Variants in BRCA2 observed in about 807,000 individuals in gnomAD.
The protein encoded by BRCA2 is breast cancer type 2 susceptibility protein.
BRCA2 carries 203 observed loss-of-function variants against 276.7 expected under a neutral mutation model. The ratio of observed to expected loss-of-function variants is 0.73; its 90% confidence interval spans 0.65 to 0.82. The LOEUF (loss-of-function observed/expected upper bound fraction) is 0.82, where lower values mean the gene tolerates loss of function less well. BRCA2 is among the 40% of genes least tolerant of loss of function. The probability of loss-of-function intolerance (pLI) is 0.00; values close to 1 mark genes in which losing one functional copy is unlikely to be tolerated. For synonymous variants in BRCA2, 1,289 were observed against 1,338.4 expected, an observed-to-expected ratio of 0.96 and a Z score of 0.81; for missense variants, 3,920 against 3,915.0, an observed-to-expected ratio of 1.00 and a Z score of -0.03.
chr13:32,327,997 C>T (rs564139328), intron 7 of BRCA2, among the ~76,000 whole-genome samples: 1 of 152,082 alleles, frequency 6.6e-6, no homozygotes, highest in South Asian at 2.1e-4. Flanking sequence ...GTTGCCCACA[C>T]TTGTCTCAAA....
chr13:32,320,823 G>A (rs1259863305), intron 3 of BRCA2, among the ~76,000 whole-genome samples: 1 of 152,200 alleles, frequency 6.6e-6, no homozygotes, highest in African/African-American at 2.4e-5. Context: ...TGATCAAACA[G>A]CAGTCTTTGG....
chr13:32,327,164 T>G (rs1253971964), intron 7 of BRCA2, among the ~76,000 whole-genome samples: 1 of 152,178 alleles, frequency 6.6e-6, no homozygotes, highest in African/African-American at 2.4e-5. Flanking sequence ...TTTCCTATTG[T>G]AGGCTGGTTG....
chr13:32,382,171 C>T (rs530666206), intron 24 of BRCA2, among the ~76,000 whole-genome samples: 2 of 152,224 alleles, frequency 1.3e-5, no homozygotes, highest in African/African-American at 4.8e-5. Flanking sequence ...CCAGAATGGT[C>T]TCGATCTCCT....
rs759089921 is a variant in BRCA2, at chr13:32,337,538, G to A, written c.3183G>A (p.Lys1061=). 6.2e-7 allele frequency: 1 copy of A among 1,607,408 alleles called. No homozygotes were observed. The highest frequency in any genetic ancestry group is 8.5e-7 in the Non-Finnish European group (1 of 1,176,526). ...TAGATAATCAAAAGAAACTGAGCAA[G>A]CCTCAGTCAATTAATACTGTATCTG... is the stretch of plus-strand genomic sequence containing the variant. ...LALDNQKKLS[K]PQSINTVSAH... is the part of the protein sequence containing the mutation. The change falls in exon 11 of 27, where the codon AAG becomes AAA. Residue 1061 remains lysine, a synonymous_variant. Transcript: ENST00000380152.
intron 16 of BRCA2, among the ~76,000 whole-genome samples, chr13:32,360,819 T>G (rs1477292534): frequency 1.3e-5 from 2 of 152,160 alleles, no homozygotes; most frequent in Admixed American, 6.6e-5. Context: ...AGTTGGACTC[T>G]GGGGTATTTT....
Position 32,317,314 on chromosome 13 carries a change from CAAGT to C in BRCA2, c.67+788_67+791del, listed in dbSNP as rs11571577. Among the ~76,000 whole-genome samples, 38,011 of 151,930 alleles carry C rather than the reference CAAGT, an allele frequency of 0.25. 4,994 individuals are homozygous for C. Among genetic ancestry groups the C allele is most frequent in the South Asian group, 0.37 (1,768 of 4,814 alleles). ...CTTAGGAAAAATAACTTTTTGAAAA[CAAGT>C]GAGTGGAATAGTTTTTACATTTTTG... is the stretch of plus-strand genomic sequence containing the variant. On this transcript the variant is annotated intron_variant, in intron 2 of 26. Transcript: ENST00000380152.
rs876660226 is a variant in BRCA2, at chr13:32,376,777, C to T, written c.8740C>T (p.Pro2914Ser). 6.2e-7 allele frequency: 1 copy of T among 1,613,814 alleles called. No individual in the cohort carries two copies. Among genetic ancestry groups the T allele is most frequent in the African/African-American group, 1.3e-5 (1 of 74,872 alleles). The change falls in exon 21 of 27, where the codon CCA (proline) becomes TCA (serine). Residue 2914 changes from proline to serine, a missense_variant. Pro to Ser is a moderately conservative substitution (Grantham distance 74, BLOSUM62 -1). This residue lies in a region of BRCA2 where 657 missense variants were observed against 758.2 expected (regional missense o/e 0.87). Transcript: ENST00000380152. The stretch of plus-strand genomic sequence containing the variant: ...TGAAGCAGTGAAGAATGCAGCAGAC[C>T]CAGCTTACCTTGAGGTGAGAGAGTA... ...LYEAVKNAAD[P>S]AYLEGYFSEE...
rs142040996 is a variant in BRCA2 at position 32,379,428 on chromosome 13, G to C, written c.8866G>C (p.Glu2956Gln). The C allele has an allele frequency of 1.9e-6, 3 of 1,613,596 alleles. No individual in the cohort carries two copies. The highest frequency in any genetic ancestry group is 2.7e-5 in the African/African-American group (2 of 74,886). Reference protein sequence around the residue: ...LEIRKAMESAEQKEQGLSRDV... With the variant: ...LEIRKAMESAQQKEQGLSRDV... ...AATTAGGAAGGCCATGGAATCTGCT[G>C]AACAAAAGGAACAAGGTTTATCAAG... The change falls in exon 22 of 27, where the codon GAA (glutamate) becomes CAA (glutamine). Residue 2956 changes from glutamate (E) to glutamine (Q), a missense_variant. Around this residue, in one of 2 missense-constraint regions of BRCA2, gnomAD observed 657 missense variants for 758.2 expected, o/e 0.87. Transcript: ENST00000380152.
At chr13:32,356,217 T>C (rs752471657) in intron 14 of BRCA2, among the ~76,000 whole-genome samples, 2 of 150,968 alleles carry the variant, frequency 1.3e-5, no homozygotes, top group African/African-American at 4.9e-5. Flanking sequence ...TACTTTTGTG[T>C]TTTTTTTACT....
Position 32,399,030 on chromosome 13 carries a change from G to T in BRCA2, c.*260G>T. ...AGAAAAACATCTTTGGCTGAGCTCG[G>T]TGGCTCATGCCTGTAATCCCAACAC... is the stretch of plus-strand genomic sequence containing the variant. On this transcript the variant is annotated 3_prime_UTR_variant, in exon 27 of 27. Transcript: ENST00000380152. 9.3e-6 allele frequency: 4 copies of T among 429,972 alleles called. No homozygotes were observed. Among genetic ancestry groups the T allele is most frequent in the Non-Finnish European group, 1.6e-5 (4 of 242,572 alleles). 26.6% of individuals were successfully genotyped at this position (429,972 alleles called of 1,614,324 possible).
intron 10 of BRCA2, among the ~76,000 whole-genome samples, chr13:32,335,554 T>G (rs2072441679): frequency 6.6e-6 from 1 of 152,162 alleles, no homozygotes; most frequent in African/African-American, 2.4e-5. Flanking sequence ...GTGAAAGAAT[T>G]AAGAAAATTG....
Position 32,346,203 on chromosome 13 carries a change from G to T in BRCA2, c.6938-624G>T, listed in dbSNP as rs74834625. 0.041 allele frequency among the ~76,000 whole-genome samples: 6,225 copies of T among 151,002 alleles called. 219 individuals carry two copies. The highest frequency in any genetic ancestry group is 0.12 in the South Asian group (554 of 4,812). On this transcript the variant is annotated intron_variant, in intron 12 of 26. Coordinates refer to ENST00000380152, the MANE Select transcript of BRCA2 (RefSeq NM_000059.4). ...TTTAGTGTTTTTTTTTCAGGATTCT[G>T]TTTAATAAAAATAAGCAAATACATG...
chr13:32,377,358 G>A (rs548884894), intron 21 of BRCA2, among the ~76,000 whole-genome samples: 1 of 152,150 alleles, frequency 6.6e-6, no homozygotes, highest in Admixed American at 6.6e-5. Context: ...TTGGGAGACC[G>A]AGGCAGAAGG....
intron 21 of BRCA2, 57 bp downstream of exon 21, chr13:32,376,848 G>A: frequency 1.2e-6 from 2 of 1,602,128 alleles, no homozygotes; most frequent in South Asian, 2.2e-5. Flanking sequence ...GTGAGAAGCT[G>A]TTTTAGACTC....
intron 24 of BRCA2, among the ~76,000 whole-genome samples, chr13:32,386,991 C>G (rs2072965101): frequency 6.6e-6 from 1 of 152,160 alleles, no homozygotes; most frequent in South Asian, 2.1e-4. Flanking sequence ...CTCTTTGCTT[C>G]TGGTGATTTG....
At position 32,337,423 on chromosome 13, in the gene BRCA2, A is replaced by C. The variant is rs776196396; in HGVS notation, c.3068A>C (p.Asn1023Thr). 4 of 1,613,158 alleles carry C rather than the reference A, an allele frequency of 2.5e-6. No individual in the cohort carries two copies. The South Asian group carries it at 3.3e-5, about 13-fold the overall frequency. ...SNKEIKLSEH[N>T]IKKSKMFFKD... ...AAGGAAATCAAGCTCTCTGAACATA[A>C]CATTAAGAAGAGCAAAATGTTCTTC... The change falls in exon 11 of 27, where the codon AAC becomes ACC. Residue 1023 changes from asparagine (N) to threonine (T), a missense_variant. Coordinates refer to ENST00000380152, the MANE Select transcript of BRCA2 (RefSeq NM_000059.4).
At chr13:32,390,082 T>A (rs913168697) in intron 24 of BRCA2, among the ~76,000 whole-genome samples, 1 of 152,186 alleles carries the variant, frequency 6.6e-6, no homozygotes, top group African/African-American at 2.4e-5. Flanking sequence ...CTTTTTAAAA[T>A]TTAATTTGTT....
intron 3 of BRCA2, among the ~76,000 whole-genome samples, chr13:32,319,939 T>A (rs2072295616): frequency 6.6e-6 from 1 of 152,150 alleles, no homozygotes; most frequent in Non-Finnish European, 1.5e-5. Flanking sequence ...ATAATGAGAG[T>A]TGAGAAGAAA....
At position 32,396,914 on chromosome 13, in the gene BRCA2, G is replaced by A. The variant is rs2073040056; in HGVS notation, c.9518G>A (p.Cys3173Tyr). ...KNTVENIDIL[C>Y]NEAENKLMHI... ...TTTTCTTAGAATATTGACATACTTTGCAATGAAGCAGAAAACAAGCTTATG... is the reference window on the plus strand; with the variant it reads ...TTTTCTTAGAATATTGACATACTTTACAATGAAGCAGAAAACAAGCTTATG... The change falls in exon 26 of 27, where the codon TGC becomes TAC. Residue 3173 changes from cysteine to tyrosine, a missense_variant. Cys to Tyr is a radical substitution (Grantham distance 194). Around this residue, in one of 2 missense-constraint regions of BRCA2, gnomAD observed 657 missense variants for 758.2 expected, o/e 0.87. Transcript: ENST00000380152. 6.2e-7 allele frequency: 1 copy of A among 1,613,912 alleles called. No individual in the cohort carries two copies. The highest frequency in any genetic ancestry group is 1.7e-5 in the Admixed American group (1 of 59,998).
Sources: gnomAD v4.1 joint callset for allele counts (sites outside exome capture counted in the v4.1 genomes callset) on GRCh38, gnomAD v4.1.1 for gene constraint, gnomAD v4.1.1 regional missense constraint, MANE v1.5 for transcripts, NCBI Gene and HGNC (gene_info 2026-07-23, HGNC 2026-07-21) for gene names.